Variants in LIMCH1 observed in about 807,000 individuals in gnomAD.
LIMCH1 encodes the protein LIM and calponin homology domains-containing protein 1.
A neutral mutation model predicts 176.5 loss-of-function variants in LIMCH1; 113 were observed. That is an observed-to-expected ratio of 0.64 (90% confidence interval 0.55 to 0.75). The LOEUF (loss-of-function observed/expected upper bound fraction) is 0.75. Ranked by LOEUF, LIMCH1 falls within the 30% of genes least tolerant of loss-of-function variation. The pLI, the probability that LIMCH1 is intolerant of heterozygous loss-of-function variation, is 0.00. For synonymous variants in LIMCH1, 619 were observed against 645.9 expected (o/e 0.96, Z 0.63); for missense variants, 1,674 against 1,814.9 (o/e 0.92, Z 1.41).
chr4:41,648,526 A>G (rs1339947270), intron 17 of LIMCH1, among the ~76,000 whole-genome samples: 1 of 152,198 alleles, frequency 6.6e-6, no homozygotes, highest in African/African-American at 2.4e-5. Context: ...CTCACTGGCT[A>G]GTATTTCTAC....
At chr4:41,613,232 A>AT (rs35533275) in intron 4 of LIMCH1, 569,192 of 858,078 alleles carry the variant, frequency 0.66, 201,727 homozygotes, top group East Asian at 0.72. Context: ...TTATTTGGGG[A>AT]TTTTTTTAAA....
chr4:41,442,748 A>G (rs1355931790), intron 1 of LIMCH1, among the ~76,000 whole-genome samples: 1 of 152,244 alleles, frequency 6.6e-6, no homozygotes, highest in Non-Finnish European at 1.5e-5. Flanking sequence ...TTAACTATGG[A>G]TTGAATTTTA....
chr4:41,394,296 C>G (rs1354684782), intron 1 of LIMCH1, among the ~76,000 whole-genome samples: 3 of 152,140 alleles, frequency 2.0e-5, no homozygotes, highest in Non-Finnish European at 4.4e-5. Flanking sequence ...CTGATAGAAT[C>G]AGAAGTTAGA....
intron 1 of LIMCH1, among the ~76,000 whole-genome samples, chr4:41,552,422 C>T (rs2080588786): frequency 6.6e-6 from 1 of 152,166 alleles, no homozygotes; most frequent in African/African-American, 2.4e-5. Context: ...CAGGATCCAT[C>T]TGAGAGGAAG....
intron 1 of LIMCH1, among the ~76,000 whole-genome samples, chr4:41,473,947 G>T (rs1016042797): frequency 6.6e-6 from 1 of 152,168 alleles, no homozygotes; most frequent in Non-Finnish European, 1.5e-5. Context: ...GGAGGCTGAG[G>T]CAGGGGCATC....
At chr4:41,606,884 C>T (rs1020346202) in intron 4 of LIMCH1, among the ~76,000 whole-genome samples, 7 of 152,134 alleles carry the variant, frequency 4.6e-5, no homozygotes, top group Admixed American at 1.3e-4. Flanking sequence ...CTGCAACGTC[C>T]GCCTCCCAGA....
chr4:41,512,021 GTA>G (rs1372500896), intron 2 of LIMCH1, among the ~76,000 whole-genome samples: 1 of 152,110 alleles, frequency 6.6e-6, no homozygotes, highest in Non-Finnish European at 1.5e-5. Context: ...TAAGAGGCTT[GTA>G]TCCAAAATAT....
In LIMCH1 at chr4:41,697,447, A is replaced by C; in HGVS notation, c.*262A>C. 1 of 415,264 alleles carries C rather than the reference A, an allele frequency of 2.4e-6. No homozygotes were observed. The highest frequency in any genetic ancestry group is 7.7e-5 in the South Asian group (1 of 12,928). 25.7% of individuals were successfully genotyped at this position (415,264 alleles called of 1,614,324 possible). ...GTAATGATCCTGAATAGCTCAAAAA[A>C]GGTTTTAGCATGGTCAAACAGGCTT... On this transcript the variant is annotated 3_prime_UTR_variant, in exon 32 of 32. Transcript: ENST00000503057.
intron 1 of LIMCH1, among the ~76,000 whole-genome samples, chr4:41,369,021 C>T (rs1235044121): frequency 6.6e-6 from 1 of 152,092 alleles, no homozygotes; most frequent in Non-Finnish European, 1.5e-5. Context: ...GGGTGGTGAC[C>T]CACAGATGTC....
chr4:41,613,353 T>C lies in LIMCH1; in HGVS notation c.10-113T>C, dbSNP rs1429195949. 4.3e-6 allele frequency: 4 copies of C among 920,570 alleles called. No homozygotes were observed. The East Asian group carries it at 1.1e-4, about 24-fold the overall frequency. The allele number at this position is 920,570 out of a possible 1,614,324, so 57.0% of individuals were successfully genotyped here. ...GATCCTGTAACTGGTTTCCACAACC[T>C]TTCCATTCTGATGTGATATGCAGGG... On this transcript the variant is annotated intron_variant, in intron 4 of 31. Coordinates refer to ENST00000503057, the MANE Select transcript of LIMCH1 (RefSeq NM_001330672.2).
chr4:41,617,366 A>G (rs1274429881), intron 5 of LIMCH1, among the ~76,000 whole-genome samples: 2 of 152,196 alleles, frequency 1.3e-5, no homozygotes, highest in Non-Finnish European at 2.9e-5. Context: ...CCAGCCCTGC[A>G]GCAGGGGTTC....
At chr4:41,383,757 A>T (rs2056069983) in intron 1 of LIMCH1, among the ~76,000 whole-genome samples, 1 of 152,098 alleles carries the variant, frequency 6.6e-6, no homozygotes. Context: ...ATGTATGTGT[A>T]TGTATATATT....
At chr4:41,511,176 A>C (rs2074866033) in intron 2 of LIMCH1, among the ~76,000 whole-genome samples, 1 of 152,184 alleles carries the variant, frequency 6.6e-6, no homozygotes, top group Non-Finnish European at 1.5e-5. Context: ...TCAACTCATC[A>C]GCCCTGTCCA....
intron 1 of LIMCH1, among the ~76,000 whole-genome samples, chr4:41,407,811 T>C (rs937044146): frequency 6.6e-6 from 1 of 152,174 alleles, no homozygotes; most frequent in African/African-American, 2.4e-5. Context: ...TTGGAACATG[T>C]GAGGCCAACT....
At chr4:41,547,697 C>A in intron 1 of LIMCH1, among the ~76,000 whole-genome samples, 1 of 141,782 alleles carries the variant, frequency 7.1e-6, no homozygotes, top group Non-Finnish European at 1.5e-5. Flanking sequence ...GTTATATATA[C>A]ATATATAATA....
intron 1 of LIMCH1, among the ~76,000 whole-genome samples, chr4:41,412,414 C>T (rs2059576929): frequency 6.6e-6 from 1 of 152,012 alleles, no homozygotes; most frequent in Non-Finnish European, 1.5e-5. Context: ...GGTTTGAAGA[C>T]TTAGATAATC....
intron 1 of LIMCH1, among the ~76,000 whole-genome samples, chr4:41,446,849 A>G (rs2063336897): frequency 6.6e-6 from 1 of 152,228 alleles, no homozygotes; most frequent in African/African-American, 2.4e-5. Context: ...TGACTTAAGG[A>G]TGTGTATGTG....
intron 18 of LIMCH1, among the ~76,000 whole-genome samples, chr4:41,650,925 G>A (rs532060297): frequency 6.6e-6 from 1 of 152,284 alleles, no homozygotes; most frequent in South Asian, 2.1e-4. Flanking sequence ...GCTTATGGAT[G>A]TGTCATCCCC....
At chr4:41,485,568 T>C (rs1033509589) in intron 1 of LIMCH1, among the ~76,000 whole-genome samples, 1 of 152,200 alleles carries the variant, frequency 6.6e-6, no homozygotes, top group African/African-American at 2.4e-5. Context: ...AATGGAGATA[T>C]ATATGGAAGT....
Sources: gnomAD v4.1 joint callset for allele counts (sites outside exome capture counted in the v4.1 genomes callset) on GRCh38, gnomAD v4.1.1 for gene constraint, MANE v1.5 for transcripts, NCBI Gene and HGNC (gene_info 2026-07-23, HGNC 2026-07-21) for gene names.